Variants in FAM83G observed in about 807,000 individuals in gnomAD.
The protein encoded by FAM83G is protein FAM83G.
A neutral mutation model predicts 61.5 loss-of-function variants in FAM83G; 38 were observed. The observed-to-expected ratio is 0.62, with a 90% CI of 0.48 to 0.81. The LOEUF (loss-of-function observed/expected upper bound fraction) is 0.81, where lower values mean the gene tolerates loss of function less well. Among genes scored for constraint, FAM83G ranks in the 30% least tolerant of loss-of-function variants. FAM83G has a pLI of 0.00. For synonymous variants in FAM83G, 470 were observed against 476.1 expected (o/e 0.99, Z 0.17); for missense variants, 989 against 1,133.6 (o/e 0.87, Z 1.83).
chr17:19,003,480 T>G lies in FAM83G; in HGVS notation c.522+40A>C, dbSNP rs2043785858. ...CCTGTATTGAGAGGGGTCCGGTGGCTGGTTGGGCCATGGCTCCAGGAGTCC... is the reference window on the plus strand; with the variant it reads ...CCTGTATTGAGAGGGGTCCGGTGGCGGGTTGGGCCATGGCTCCAGGAGTCC... On this transcript the variant is annotated intron_variant, in intron 2 of 5. Transcript: ENST00000388995. The surrounding 1 kb of genome is among the most constrained non-coding windows in gnomAD (Gnocchi z 4.5). 6.7e-7 allele frequency: 1 copy of G among 1,501,204 alleles called. No homozygotes were observed. The highest frequency in any genetic ancestry group is 2.4e-5 in the East Asian group (1 of 42,340). The allele number at this position is 1,501,204 out of a possible 1,614,324, so 93.0% of individuals were successfully genotyped here.
intron 2 of FAM83G, among the ~76,000 whole-genome samples, chr17:18,995,165 GA>G (rs146193120): frequency 1.3e-5 from 2 of 151,122 alleles, no homozygotes; most frequent in East Asian, 1.9e-4. Flanking sequence ...ATGCACATGA[GA>G]AAAAAAAATC....
Position 18,978,754 on chromosome 17 carries a change from G to A in FAM83G, c.912C>T (p.Tyr304=), listed in dbSNP as rs763389541. 6.2e-7 allele frequency: 1 copy of A among 1,612,968 alleles called. No individual in the cohort carries two copies. Among genetic ancestry groups the A allele is most frequent in the African/African-American group, 1.3e-5 (1 of 75,010 alleles). Residue 304 remains tyrosine (Y), a synonymous_variant, in exon 5 of 6, where the codon TAC becomes TAT. Coordinates refer to ENST00000388995, the MANE Select transcript of FAM83G (RefSeq NM_001039999.3). ...EMFDRQFQEL[Y]LMSHSVSLKG... ...TGAGGCTCACACTGTGTGACATGAG[G>A]TACAGCTCCTGGAACTGCCGGTCAA...
chr17:18,977,265 G>A, intron 5 of FAM83G: 1 of 586,556 alleles, frequency 1.7e-6, no homozygotes, highest in Non-Finnish European at 3.0e-6. Flanking sequence ...GCAAACTAGG[G>A]ACTGTGCCAC....
intron 3 of FAM83G, among the ~76,000 whole-genome samples, chr17:18,983,910 C>A (rs1326988831): frequency 6.6e-6 from 1 of 152,208 alleles, no homozygotes; most frequent in African/African-American, 2.4e-5. Flanking sequence ...TGATACATGT[C>A]CCCTTTTGTG....
At chr17:19,002,930 C>T (rs1022098304) in intron 2 of FAM83G, among the ~76,000 whole-genome samples, 2 of 152,166 alleles carry the variant, frequency 1.3e-5, no homozygotes, top group Non-Finnish European at 2.9e-5. Context: ...CCACACCTCC[C>T]TCACCCAAGC....
chr17:18,981,832 C>A (rs1044781248), intron 3 of FAM83G, among the ~76,000 whole-genome samples: 5 of 152,180 alleles, frequency 3.3e-5, no homozygotes, highest in African/African-American at 4.8e-5. Context: ...GGCCACGGCC[C>A]AGGACAATTA....
intron 5 of FAM83G, chr17:18,976,867 G>C (rs1228827162): frequency 6.2e-7 from 1 of 1,613,374 alleles, no homozygotes. Context: ...ATCGTGCAGC[G>C]ATCACTGTCA....
intron 3 of FAM83G, among the ~76,000 whole-genome samples, chr17:18,982,505 G>A (rs978830798): frequency 1.3e-5 from 2 of 152,248 alleles, no homozygotes; most frequent in Non-Finnish European, 2.9e-5. Context: ...CCCAAGAGGG[G>A]TGCCCTGGAA....
At position 18,996,285 on chromosome 17, in the gene FAM83G, C is replaced by T. The variant is rs1189462943; in HGVS notation, c.522+7235G>A. 1.3e-5 allele frequency among the ~76,000 whole-genome samples: 2 copies of T among 152,180 alleles called. No homozygotes were observed. The highest frequency in any genetic ancestry group is 3.8e-4 in the East Asian group (2 of 5,198). ...TCCCTCCTCCAGCTGCAACCCCCTC[C>T]TCCAGCAGCACGGTTGGGACAGACG... On this transcript the variant is annotated intron_variant, in intron 2 of 5. Coordinates refer to ENST00000388995, the MANE Select transcript of FAM83G (RefSeq NM_001039999.3). This position sits in a 1 kb window ranked among gnomAD's most constrained non-coding sequence, Gnocchi z 4.4.
rs2042987841 is a variant in FAM83G at position 18,976,685 on chromosome 17, G to A, written c.2082+899C>T. On this transcript the variant is annotated intron_variant, in intron 5 of 5. Transcript: ENST00000388995. ...TTGGCCTGCTGAAGTGAGCTCTCCT[G>A]GTGGGACCCTGACAGTATTGGGGCT... The A allele has an allele frequency of 1.8e-5, 15 of 846,322 alleles. No homozygotes were observed. In the South Asian group the frequency reaches 2.6e-4, roughly 15 times the overall value. The allele number at this position is 846,322 out of a possible 1,614,324, so 52.4% of individuals were successfully genotyped here.
At chr17:18,984,268 G>A (rs1025466459) in intron 3 of FAM83G, among the ~76,000 whole-genome samples, 9 of 150,552 alleles carry the variant, frequency 6.0e-5, no homozygotes, top group African/African-American at 2.2e-4. Flanking sequence ...CACGAACCCG[G>A]GAGGCAGAGC....
chr17:18,989,503 A>G (rs1209129595), intron 2 of FAM83G, among the ~76,000 whole-genome samples: 1 of 152,176 alleles, frequency 6.6e-6, no homozygotes, highest in East Asian at 1.9e-4. Flanking sequence ...GGAGGGCTCC[A>G]TACCTGCCCT....
chr17:18,983,039 G>A (rs1028157740), intron 3 of FAM83G, among the ~76,000 whole-genome samples: 8 of 152,248 alleles, frequency 5.3e-5, no homozygotes, highest in Non-Finnish European at 7.3e-5. Context: ...GGCTGTGGGG[G>A]ACCAACACAG....
At position 18,969,309 on chromosome 17, in the gene FAM83G, G is replaced by C; in HGVS notation, c.*2050C>G. On this transcript the variant is annotated 3_prime_UTR_variant, in exon 6 of 6. Coordinates refer to ENST00000388995, the MANE Select transcript of FAM83G (RefSeq NM_001039999.3). ...CCGTGTCCCTCCTCCCTGGGGCCAG[G>C]GCCCCCTCCAGCAACCTTGCTTCCA... The C allele has an allele frequency of 6.2e-7, 1 of 1,608,702 alleles. No homozygotes were observed. The highest frequency in any genetic ancestry group is 1.1e-5 in the South Asian group (1 of 90,664).
Position 18,978,539 on chromosome 17 carries a change from A to G in FAM83G, c.1127T>C (p.Leu376Pro). ...EKQEAKKPLG[L>P]KGPALAEHPG... ...ATGCTCAGCCAGCGCTGGGCCTTTC[A>G]GCCCCAGGGGCTTCTTGGCCTCCTG... is the stretch of plus-strand genomic sequence containing the variant. The change falls in exon 5 of 6, where the codon CTG becomes CCG. Residue 376 changes from leucine to proline, a missense_variant. This residue lies in a region of FAM83G where 574 missense variants were observed against 645.1 expected (regional missense o/e 0.89). Transcript: ENST00000388995. The G allele has an allele frequency of 6.2e-7, 1 of 1,613,334 alleles. No individual in the cohort carries two copies. Among genetic ancestry groups the G allele is most frequent in the South Asian group, 1.1e-5 (1 of 91,082 alleles).
At chr17:18,995,070 A>C (rs570040252) in intron 2 of FAM83G, among the ~76,000 whole-genome samples, 1 of 152,350 alleles carries the variant, frequency 6.6e-6, no homozygotes, top group South Asian at 2.1e-4. Flanking sequence ...GAGAAAACAA[A>C]ACAAACAAAA....
chr17:19,001,985 G>C (rs1015410091), intron 2 of FAM83G, among the ~76,000 whole-genome samples: 1 of 152,206 alleles, frequency 6.6e-6, no homozygotes, highest in Non-Finnish European at 1.5e-5. Flanking sequence ...CAGGCTCTCT[G>C]TGGGGACTGG....
intron 5 of FAM83G, among the ~76,000 whole-genome samples, chr17:18,975,276 C>T (rs1037776991): frequency 5.3e-5 from 8 of 152,220 alleles, no homozygotes; most frequent in Non-Finnish European, 8.8e-5. Flanking sequence ...GCCCTGCGTT[C>T]GGAGGCTGCA....
At chr17:18,994,791 C>T (rs888074151) in intron 2 of FAM83G, among the ~76,000 whole-genome samples, 1 of 152,168 alleles carries the variant, frequency 6.6e-6, no homozygotes, top group Non-Finnish European at 1.5e-5. Context: ...GCTTTAAGGG[C>T]CATATGTTCT....
Sources: gnomAD v4.1 joint callset for allele counts (sites outside exome capture counted in the v4.1 genomes callset) on GRCh38, gnomAD v4.1.1 for gene constraint, gnomAD v4.1.1 regional missense constraint, Gnocchi (gnomAD v3.1) non-coding constraint, MANE v1.5 for transcripts, NCBI Gene and HGNC (gene_info 2026-07-23, HGNC 2026-07-21) for gene names.